IPCEF1: variants seen among roughly 807,000 people sequenced by gnomAD.
IPCEF1 encodes interactor protein for cytohesin exchange factors 1.
In IPCEF1, 31 loss-of-function variants were observed where a neutral mutation model predicts 50.9. The observed-to-expected ratio is 0.61, with a 90% CI of 0.46 to 0.82. The LOEUF (loss-of-function observed/expected upper bound fraction) is 0.82, where lower values mean the gene tolerates loss of function less well. IPCEF1 is among the 40% of genes least tolerant of loss of function. The pLI is 0.00. For synonymous variants in IPCEF1, 181 were observed against 192.0 expected (o/e 0.94, Z 0.47); for missense variants, 458 against 514.0 (o/e 0.89, Z 1.05).
At chr6:154,177,197 C>T (rs1392141213) in intron 10 of IPCEF1, among the ~76,000 whole-genome samples, 1 of 152,132 alleles carries the variant, frequency 6.6e-6, no homozygotes, top group African/African-American at 2.4e-5. Context: ...AGAAGAAAAC[C>T]TAGGCAATAC....
At position 154,247,451 on chromosome 6, in the gene IPCEF1, T is replaced by C; in HGVS notation, c.74A>G (p.Gln25Arg). ...AGAAACAAAAGAGATCTAATTACCT[T>C]GAGTTTTCCTCCTGGGCTTCTGACG... ...PLRQKPRRKT[Q>R]GFLTMSRRRI... The change falls in exon 4 of 12, where the codon CAA (glutamine) becomes CGA (arginine). Residue 25 changes from glutamine to arginine, a missense_variant and splice_region_variant. Gln to Arg is a conservative substitution (Grantham distance 43). Coordinates refer to ENST00000367220, the MANE Select transcript of IPCEF1 (RefSeq NM_001130700.2). 1 of 1,612,006 alleles carries C rather than the reference T, an allele frequency of 6.2e-7. No homozygotes were observed. The highest frequency in any genetic ancestry group is 2.2e-5 in the East Asian group (1 of 44,870).
At chr6:154,195,438 T>C (rs749619366) in intron 10 of IPCEF1, among the ~76,000 whole-genome samples, 1 of 152,092 alleles carries the variant, frequency 6.6e-6, no homozygotes, top group Non-Finnish European at 1.5e-5. Flanking sequence ...TGAGCCACCG[T>C]GCCTGGCCCA....
At chr6:154,232,298 T>TA (rs1779785198) in intron 5 of IPCEF1, among the ~76,000 whole-genome samples, 1 of 152,240 alleles carries the variant, frequency 6.6e-6, no homozygotes. Context: ...TTCTTCTAGA[T>TA]ATCAGAAGCA....
At chr6:154,201,296 C>T (rs1777049911) in intron 9 of IPCEF1, among the ~76,000 whole-genome samples, 1 of 152,182 alleles carries the variant, frequency 6.6e-6, no homozygotes, top group Non-Finnish European at 1.5e-5. Context: ...ATCTTTGCTA[C>T]ATTTTGATGT....
intron 5 of IPCEF1, among the ~76,000 whole-genome samples, chr6:154,243,766 AT>A (rs1780793800): frequency 6.6e-6 from 1 of 152,172 alleles, no homozygotes; most frequent in South Asian, 2.1e-4. Context: ...AGGGACCTGA[AT>A]GTGAATCTGT....
At chr6:154,187,332 T>C (rs938907913) in intron 10 of IPCEF1, among the ~76,000 whole-genome samples, 30 of 152,204 alleles carry the variant, frequency 2.0e-4, no homozygotes, top group Non-Finnish European at 2.5e-4. Context: ...GAATCTATCA[T>C]ACGTGCTGTT....
chr6:154,160,058 A>C lies in IPCEF1; in HGVS notation c.1105-18T>G. The C allele has an allele frequency of 6.3e-7, 1 of 1,578,884 alleles. No individual in the cohort carries two copies. Among genetic ancestry groups the C allele is most frequent in the South Asian group, 1.1e-5 (1 of 88,752 alleles). ...TCTTTACACTGTGTGAGTAGAAAAA[A>C]AGGGGAAGGGGGTATGTTGAGAGTG... On this transcript the variant is annotated intron_variant, in intron 11 of 11. Coordinates refer to ENST00000367220, the MANE Select transcript of IPCEF1 (RefSeq NM_001130700.2).
At chr6:154,280,209 G>C (rs1259689212) in intron 2 of IPCEF1, among the ~76,000 whole-genome samples, 3 of 152,180 alleles carry the variant, frequency 2.0e-5, no homozygotes, top group Non-Finnish European at 2.9e-5. Flanking sequence ...CCTCAGATAT[G>C]TGTGCAAATG....
At chr6:154,165,200 T>C (rs192046941) in intron 11 of IPCEF1, among the ~76,000 whole-genome samples, 9 of 152,184 alleles carry the variant, frequency 5.9e-5, no homozygotes, top group Admixed American at 2.0e-4. Flanking sequence ...GCTTAAAGAA[T>C]TATCACAAAA....
At chr6:154,214,979 A>C (rs927576460) in intron 7 of IPCEF1, among the ~76,000 whole-genome samples, 11 of 152,226 alleles carry the variant, frequency 7.2e-5, no homozygotes, top group Non-Finnish European at 1.6e-4. Context: ...ATCTTGAAAC[A>C]CAAATTTTTA....
At chr6:154,223,097 A>G in intron 6 of IPCEF1, 73 bp downstream of exon 6, 1 of 1,192,238 alleles carries the variant, frequency 8.4e-7, no homozygotes, top group South Asian at 1.2e-5. Context: ...CTAAATCACC[A>G]TATCCCTTGG....
chr6:154,234,906 G>A (rs1031877067), intron 5 of IPCEF1, among the ~76,000 whole-genome samples: 11 of 152,202 alleles, frequency 7.2e-5, no homozygotes, highest in African/African-American at 1.9e-4. Flanking sequence ...GTCCTCTGCC[G>A]TGTAAAATCC....
intron 10 of IPCEF1, among the ~76,000 whole-genome samples, chr6:154,174,770 GA>G (rs775683599): frequency 2.8e-4 from 43 of 152,132 alleles, no homozygotes; most frequent in Admixed American, 1.6e-3. Context: ...CAACAAGACA[GA>G]AAATTAACAA....
intron 9 of IPCEF1, among the ~76,000 whole-genome samples, chr6:154,211,561 C>T (rs1018229046): frequency 4.9e-4 from 74 of 152,136 alleles, no homozygotes; most frequent in African/African-American, 1.7e-3. Context: ...ACAGGAATAT[C>T]TACTTCCTCA....
At chr6:154,241,234 C>CAAAAAAAA in intron 5 of IPCEF1, among the ~76,000 whole-genome samples, 1 of 79,232 alleles carries the variant, frequency 1.3e-5, no homozygotes, top group Non-Finnish European at 2.5e-5. Flanking sequence ...GACTCCATCT[C>CAAAAAAAA]AAAAAAAAAA....
intron 11 of IPCEF1, among the ~76,000 whole-genome samples, chr6:154,164,126 T>C (rs1799240697): frequency 6.6e-6 from 1 of 152,222 alleles, no homozygotes; most frequent in Non-Finnish European, 1.5e-5. Flanking sequence ...TAAAGAAATT[T>C]AGACATCTAC....
At position 154,303,128 on chromosome 6, in the gene IPCEF1, G is replaced by T. The variant is rs149431790; in HGVS notation, c.-61-13372C>A. On this transcript the variant is annotated intron_variant, in intron 1 of 11. Coordinates refer to ENST00000367220, the MANE Select transcript of IPCEF1 (RefSeq NM_001130700.2). ...TTTTTTTTTGACAGAGTCTCGCTCT[G>T]TCACCCAGGCTGGAGTGCAATGGCA... Among the ~76,000 whole-genome samples, 989 of 126,860 alleles carry T rather than the reference G, an allele frequency of 7.8e-3. 9 individuals are homozygous for T. Among genetic ancestry groups the T allele is most frequent in the Middle Eastern group, 0.041 (6 of 148 alleles). 83.2% of individuals were successfully genotyped at this position (126,860 alleles called of 152,430 possible). A position where few individuals can be genotyped will look rare whatever the true frequency, so the allele number is the denominator to read the frequency against.
chr6:154,285,559 A>C (rs1782338547), intron 2 of IPCEF1, among the ~76,000 whole-genome samples: 1 of 152,218 alleles, frequency 6.6e-6, no homozygotes, highest in South Asian at 2.1e-4. Context: ...CAATAATCTG[A>C]AAAACAGATT....
chr6:154,185,087 T>C (rs1393989091), intron 10 of IPCEF1, among the ~76,000 whole-genome samples: 1 of 152,172 alleles, frequency 6.6e-6, no homozygotes, highest in African/African-American at 2.4e-5. Flanking sequence ...GTCCTTCAAG[T>C]TAAAAAATAT....
Sources: gnomAD v4.1 joint callset for allele counts (sites outside exome capture counted in the v4.1 genomes callset) on GRCh38, gnomAD v4.1.1 for gene constraint, MANE v1.5 for transcripts, NCBI Gene and HGNC (gene_info 2026-07-23, HGNC 2026-07-21) for gene names.